The following PAM variants were observed in gnomAD, a reference collection of about 807,000 sequenced individuals.
PAM encodes the protein peptidylglycine alpha-amidating monooxygenase.
Under a neutral mutation model 122.1 loss-of-function variants are expected in PAM, and 72 were observed. The observed-to-expected ratio is 0.59, with a 90% CI of 0.49 to 0.72. The LOEUF (loss-of-function observed/expected upper bound fraction) is 0.72. PAM is among the 30% of genes least tolerant of loss of function. The probability of loss-of-function intolerance (pLI) is 0.00; values close to 1 mark genes in which losing one functional copy is unlikely to be tolerated. For synonymous variants in PAM, 389 were observed against 404.4 expected (o/e 0.96, Z 0.46); for missense variants, 1,106 against 1,183.7 (o/e 0.93, Z 0.96).
At chr5:102,944,529 T>A (rs1347726450) in intron 7 of PAM, among the ~76,000 whole-genome samples, 1 of 152,130 alleles carries the variant, frequency 6.6e-6, no homozygotes, top group African/African-American at 2.4e-5. Context: ...TGAATGTACA[T>A]TGGAAGAATA....
intron 14 of PAM, among the ~76,000 whole-genome samples, chr5:102,967,489 C>G (rs2150342770): frequency 6.6e-6 from 1 of 152,122 alleles, no homozygotes; most frequent in African/African-American, 2.4e-5. Flanking sequence ...ATTATTCATC[C>G]CAGAATTGCT....
intron 1 of PAM, among the ~76,000 whole-genome samples, chr5:102,758,056 A>G (rs1345119274): frequency 5.0e-5 from 5 of 100,722 alleles, no homozygotes; most frequent in Admixed American, 1.0e-4. Flanking sequence ...AAAAAAAAAA[A>G]AAAGACTTAG....
chr5:102,832,456 T>C (rs925367800), intron 1 of PAM, among the ~76,000 whole-genome samples: 1 of 152,076 alleles, frequency 6.6e-6, no homozygotes, highest in African/African-American at 2.4e-5. Flanking sequence ...TACTGAATCC[T>C]ATATATATTA....
chr5:102,906,236 A>T (rs1018637905), intron 4 of PAM, among the ~76,000 whole-genome samples: 1 of 151,708 alleles, frequency 6.6e-6, no homozygotes, highest in African/African-American at 2.4e-5. Context: ...ATGTTGATAT[A>T]GCTATTTTAA....
At chr5:102,859,929 TGTC>T (rs1783682303) in intron 1 of PAM, among the ~76,000 whole-genome samples, 1 of 152,172 alleles carries the variant, frequency 6.6e-6, no homozygotes, top group Non-Finnish European at 1.5e-5. Flanking sequence ...AGCCTTGGTG[TGTC>T]ATAGGCTATA....
chr5:102,906,235 T>C (rs568192873), intron 4 of PAM, among the ~76,000 whole-genome samples: 55 of 151,804 alleles, frequency 3.6e-4, no homozygotes, highest in African/African-American at 1.2e-3. Context: ...CATGTTGATA[T>C]AGCTATTTTA....
intron 20 of PAM, 52 bp from the exon 21 acceptor site, chr5:103,009,699 G>A: frequency 1.1e-6 from 1 of 941,936 alleles, no homozygotes; most frequent in Non-Finnish European, 1.8e-6. Flanking sequence ...TATATTAGAA[G>A]TCCATTCTTA....
chr5:102,967,214 C>A (rs559339601), intron 14 of PAM, among the ~76,000 whole-genome samples: 1 of 152,230 alleles, frequency 6.6e-6, no homozygotes, highest in South Asian at 2.1e-4. Flanking sequence ...AACTTAGGAA[C>A]TTTAATTGGT....
chr5:102,917,031 G>C (rs1055871026), intron 5 of PAM, among the ~76,000 whole-genome samples: 3 of 151,960 alleles, frequency 2.0e-5, no homozygotes, highest in Non-Finnish European at 2.9e-5. Flanking sequence ...ACCACACCCA[G>C]CCACAGGCCT....
intron 5 of PAM, 60 bp downstream of exon 5, chr5:102,914,081 G>GATACACTTTGCACT: frequency 4.7e-6 from 4 of 852,126 alleles, no homozygotes; most frequent in Non-Finnish European, 8.1e-6. Flanking sequence ...CAAGTGCAAA[G>GATACACTTTGCACT]TGTATCTGTG....
At position 102,962,646 on chromosome 5, in the gene PAM, A is replaced by G. The variant is rs562041546; in HGVS notation, c.1162+1417A>G. Among the ~76,000 whole-genome samples the G allele has an allele frequency of 1.6e-4, 24 of 151,972 alleles. No individual in the cohort carries two copies. The South Asian group carries it at 3.9e-3, about 25-fold the overall frequency. On this transcript the variant is annotated intron_variant, in intron 14 of 25. Coordinates refer to ENST00000438793, the MANE Select transcript of PAM (RefSeq NM_001177306.2). ...CTTTTGAAGTTAGTCAAGTTGATCA[A>G]GGGAAACACTGACACTTCTAAAAGG...
chr5:102,902,707 G>C (rs574022497), intron 4 of PAM, among the ~76,000 whole-genome samples: 9 of 151,312 alleles, frequency 5.9e-5, no homozygotes, highest in Admixed American at 5.9e-4. Context: ...CTCGCAAAAG[G>C]AATTTCCCAT....
chr5:102,822,995 G>T (rs1772468869), intron 1 of PAM, among the ~76,000 whole-genome samples: 1 of 152,144 alleles, frequency 6.6e-6, no homozygotes, highest in Admixed American at 6.5e-5. Flanking sequence ...ACAAAGTAAG[G>T]ACAAGCACTC....
chr5:102,973,298 G>T (rs1201741516), intron 14 of PAM, among the ~76,000 whole-genome samples: 3 of 152,224 alleles, frequency 2.0e-5, no homozygotes, highest in Non-Finnish European at 4.4e-5. Flanking sequence ...AATGATGAGG[G>T]TTAAAATACT....
chr5:102,946,036 C>T (rs941312987), intron 7 of PAM, among the ~76,000 whole-genome samples: 3 of 152,114 alleles, frequency 2.0e-5, no homozygotes, highest in South Asian at 2.1e-4. Flanking sequence ...GCTGAAGTTT[C>T]TGAGTTCACA....
At chr5:102,858,900 A>G (rs761700097) in intron 1 of PAM, among the ~76,000 whole-genome samples, 1 of 152,214 alleles carries the variant, frequency 6.6e-6, no homozygotes, top group African/African-American at 2.4e-5. Context: ...TGGTGGTCCC[A>G]TAAGATTATA....
intron 1 of PAM, among the ~76,000 whole-genome samples, chr5:102,862,095 G>C (rs1182592030): frequency 6.6e-6 from 1 of 151,524 alleles, no homozygotes; most frequent in Admixed American, 6.6e-5. Flanking sequence ...GCTTGAGTCT[G>C]GGAGGCAGAG....
chr5:102,831,860 T>G (rs761491745), intron 1 of PAM, among the ~76,000 whole-genome samples: 1 of 145,128 alleles, frequency 6.9e-6, no homozygotes, highest in Non-Finnish European at 1.5e-5. Context: ...TCATTTTTTA[T>G]AGGAACTAGT....
chr5:102,940,473 A>G (rs1754803730), intron 7 of PAM, among the ~76,000 whole-genome samples: 1 of 139,634 alleles, frequency 7.2e-6, no homozygotes, highest in Non-Finnish European at 1.5e-5. Context: ...CTATAATGCT[A>G]TGTATATAAT....
Sources: allele counts gnomAD v4.1 joint callset (sites outside exome capture counted in the v4.1 genomes callset), GRCh38; gene constraint gnomAD v4.1.1; transcripts MANE v1.5; gene names NCBI Gene and HGNC (gene_info 2026-07-23, HGNC 2026-07-21).